Variants in PIWIL2 observed in about 807,000 individuals in gnomAD.
The protein encoded by PIWIL2 is piwi-like protein 2.
In PIWIL2, 81 loss-of-function variants were observed where a neutral mutation model predicts 116.5. That is an observed-to-expected ratio of 0.70 (90% CI 0.58 to 0.84). The LOEUF (loss-of-function observed/expected upper bound fraction) is 0.84, where lower values mean the gene tolerates loss of function less well. Among genes scored for constraint, PIWIL2 ranks in the 40% least tolerant of loss-of-function variants. PIWIL2 has a pLI of 0.00. For missense variants in PIWIL2, 1,272 were observed against 1,212.3 expected (o/e 1.05, Z -0.73); for synonymous variants, 489 against 429.5 (o/e 1.14, Z -1.71).
chr8:22,351,151 A>C (rs1832344194), intron 20 of PIWIL2, among the ~76,000 whole-genome samples: 1 of 150,084 alleles, frequency 6.7e-6, no homozygotes, highest in African/African-American at 2.4e-5. Flanking sequence ...ACTCTGTTTC[A>C]AAAAAAAATA....
Position 22,279,440 on chromosome 8 carries a change from G to A in PIWIL2, c.54G>A (p.Gln18=), listed in dbSNP as rs774970277. 2 of 1,614,132 alleles carry A rather than the reference G, an allele frequency of 1.2e-6. No individual in the cohort carries two copies. The highest frequency in any genetic ancestry group is 1.1e-5 in the South Asian group (1 of 91,084). The part of the protein sequence containing the change: ...FRGQSPIHPS[Q]CQAVRMPGCW... ...GCCAGTCTCCTATCCACCCATCCCA[G>A]TGCCAGGCTGTACGGATGCCAGGCT... The change falls in exon 2 of 23, where the codon CAG becomes CAA. Residue 18 remains glutamine, a synonymous_variant. Coordinates refer to ENST00000356766, the MANE Select transcript of PIWIL2 (RefSeq NM_018068.5).
chr8:22,276,407 C>T (rs1177465774), intron 1 of PIWIL2, among the ~76,000 whole-genome samples: 1 of 152,192 alleles, frequency 6.6e-6, no homozygotes, highest in African/African-American at 2.4e-5. Flanking sequence ...CCTCCGCCTC[C>T]CAGGTTCAAG....
chr8:22,348,634 G>T (rs1046826832), intron 20 of PIWIL2, among the ~76,000 whole-genome samples: 1 of 152,194 alleles, frequency 6.6e-6, no homozygotes, highest in Admixed American at 6.5e-5. Flanking sequence ...AGCCGGGCTT[G>T]ATGGCACATC....
At chr8:22,289,523 T>A (rs993596008) in intron 8 of PIWIL2, among the ~76,000 whole-genome samples, 1 of 152,226 alleles carries the variant, frequency 6.6e-6, no homozygotes, top group Non-Finnish European at 1.5e-5. Context: ...ACACTGTTAT[T>A]CACACACTTA....
intron 20 of PIWIL2, among the ~76,000 whole-genome samples, chr8:22,335,719 G>A (rs1214664038): frequency 2.0e-5 from 3 of 151,622 alleles, no homozygotes; most frequent in Non-Finnish European, 2.9e-5. Context: ...AGCTAAATTT[G>A]TTGTTGTTGT....
Position 22,291,535 on chromosome 8 carries a change from G to C in PIWIL2, c.1181+1189G>C, listed in dbSNP as rs549147015. On this transcript the variant is annotated intron_variant, in intron 10 of 22. Coordinates refer to ENST00000356766, the MANE Select transcript of PIWIL2 (RefSeq NM_018068.5). The stretch of plus-strand genomic sequence containing the variant: ...CTGATTTTTTTAGGCCATGTACTTG[G>C]AAGTAGAATTACTTAATGGAAGGGC... 1.0e-3 allele frequency among the ~76,000 whole-genome samples: 152 copies of C among 152,250 alleles called. 1 individual carries two copies. Among genetic ancestry groups the C allele is most frequent in the African/African-American group, 2.8e-3 (118 of 41,546 alleles).
chr8:22,311,155 T>A lies in PIWIL2; in HGVS notation c.1844T>A (p.Met615Lys), dbSNP rs140302382. 2.6e-3 allele frequency: 4,254 copies of A among 1,614,064 alleles called. 8 individuals are homozygous for A. The highest frequency in any genetic ancestry group is 3.3e-3 in the Non-Finnish European group (3,911 of 1,179,974). The change falls in exon 16 of 23, where the codon ATG becomes AAG. Residue 615 changes from methionine (M) to lysine (K), a missense_variant. Transcript: ENST00000356766. ...FWALFYPKRAMDQARELVNML... is the reference protein window; with the variant it reads ...FWALFYPKRAKDQARELVNML... The stretch of plus-strand genomic sequence containing the variant: ...GCACTTTTTTACCCAAAGAGAGCAA[T>A]GGACCAGGCTCGAGAACTGGTCAAC...
chr8:22,322,898 A>G (rs568996143), intron 20 of PIWIL2, among the ~76,000 whole-genome samples: 1 of 152,272 alleles, frequency 6.6e-6, no homozygotes, highest in South Asian at 2.1e-4. Context: ...CTCAAGAGCC[A>G]GACACCTTCC....
intron 20 of PIWIL2, among the ~76,000 whole-genome samples, chr8:22,319,629 T>C (rs919352728): frequency 6.6e-6 from 1 of 152,204 alleles, no homozygotes; most frequent in Non-Finnish European, 1.5e-5. Flanking sequence ...AGTTTGATGT[T>C]CACAATCAGG....
At chr8:22,316,417 C>T (rs1458859854) in intron 19 of PIWIL2, 84 bp downstream of exon 19, 2 of 843,462 alleles carry the variant, frequency 2.4e-6, no homozygotes, top group Non-Finnish European at 4.0e-6. Context: ...ATCTTTTTAG[C>T]ATTATGTATT....
chr8:22,296,879 T>C (rs1347611983), intron 10 of PIWIL2, among the ~76,000 whole-genome samples: 1 of 152,222 alleles, frequency 6.6e-6, no homozygotes, highest in Non-Finnish European at 1.5e-5. Flanking sequence ...ATTCTTTTAA[T>C]TTTTATCTAA....
At chr8:22,294,033 T>C (rs1204864776) in intron 10 of PIWIL2, among the ~76,000 whole-genome samples, 1 of 152,150 alleles carries the variant, frequency 6.6e-6, no homozygotes, top group Non-Finnish European at 1.5e-5. Flanking sequence ...TGTCTTTCCA[T>C]TTATTGAAAT....
intron 2 of PIWIL2, among the ~76,000 whole-genome samples, chr8:22,280,568 A>C (rs1240723814): frequency 1.3e-5 from 2 of 152,224 alleles, no homozygotes; most frequent in African/African-American, 4.8e-5. Context: ...GACTCAAATG[A>C]ATTGCTTGAG....
intron 10 of PIWIL2, among the ~76,000 whole-genome samples, chr8:22,301,756 C>G (rs905101836): frequency 1.3e-5 from 2 of 151,360 alleles, no homozygotes; most frequent in Non-Finnish European, 2.9e-5. Flanking sequence ...AGTTTTGACT[C>G]ATATTTAGAT....
intron 20 of PIWIL2, among the ~76,000 whole-genome samples, chr8:22,351,267 A>G (rs1319340627): frequency 6.6e-6 from 1 of 151,032 alleles, no homozygotes; most frequent in African/African-American, 2.4e-5. Flanking sequence ...TGCAGTGGCT[A>G]TGATTACACC....
rs139807876 is a variant in PIWIL2, at chr8:22,299,954, G to C, written c.1182-4067G>C. On this transcript the variant is annotated intron_variant, in intron 10 of 22. Transcript: ENST00000356766. ...TTATTTTATTATTTTTTTTTTGGGT[G>C]GGGGGAACAGAATCTCTCCCTGTCA... Among the ~76,000 whole-genome samples the C allele has an allele frequency of 6.5e-3, 990 of 151,250 alleles. 13 individuals are homozygous for C. The highest frequency in any genetic ancestry group is 0.023 in the African/African-American group (945 of 41,198).
chr8:22,278,831 G>A (rs1830435977), intron 1 of PIWIL2, among the ~76,000 whole-genome samples: 1 of 152,108 alleles, frequency 6.6e-6, no homozygotes, highest in South Asian at 2.1e-4. Context: ...ACCCTCTTGT[G>A]AACTTCGCAT....
chr8:22,347,087 C>T (rs761662445), intron 20 of PIWIL2, among the ~76,000 whole-genome samples: 8 of 149,942 alleles, frequency 5.3e-5, no homozygotes, highest in Non-Finnish European at 1.0e-4. Flanking sequence ...AAGAGGATTG[C>T]TTGAGTTCAG....
intron 20 of PIWIL2, among the ~76,000 whole-genome samples, chr8:22,327,177 C>T (rs952726621): frequency 1.3e-5 from 2 of 150,954 alleles, no homozygotes; most frequent in African/African-American, 4.9e-5. Context: ...TCCAGGTGCA[C>T]GCCACCACAC....
Sources: allele counts gnomAD v4.1 joint callset (sites outside exome capture counted in the v4.1 genomes callset), GRCh38; gene constraint gnomAD v4.1.1; transcripts MANE v1.5; gene names NCBI Gene and HGNC (gene_info 2026-07-23, HGNC 2026-07-21).